The following DENND4C variants were observed in gnomAD, a reference collection of about 807,000 sequenced individuals.
The protein encoded by DENND4C is DENN domain containing 4C.
DENND4C carries 108 observed loss-of-function variants against 203.0 expected under a neutral mutation model. That is an observed-to-expected ratio of 0.53 (90% CI 0.46 to 0.62). The LOEUF (loss-of-function observed/expected upper bound fraction) is 0.62. DENND4C is among the 20% of genes least tolerant of loss of function. The pLI is 0.00. For synonymous variants in DENND4C, 871 were observed against 792.4 expected, an observed-to-expected ratio of 1.10 and a Z score of -1.67; for missense variants, 2,481 against 2,301.2, an observed-to-expected ratio of 1.08 and a Z score of -1.60.
At chr9:19,355,854 T>C (rs1026774644) in intron 26 of DENND4C, among the ~76,000 whole-genome samples, 1 of 152,206 alleles carries the variant, frequency 6.6e-6, no homozygotes, top group African/African-American at 2.4e-5. Flanking sequence ...ATTATTATCT[T>C]ATCTGTGAGC....
intron 7 of DENND4C, among the ~76,000 whole-genome samples, chr9:19,298,335 A>G (rs1837871688): frequency 6.6e-6 from 1 of 152,196 alleles, no homozygotes; most frequent in Non-Finnish European, 1.5e-5. Flanking sequence ...CCCTTGGTTC[A>G]TAACATTTTC....
At position 19,349,528 on chromosome 9, in the gene DENND4C, C is replaced by A. The variant is rs530715482; in HGVS notation, c.4318-1174C>A. ...ATCTTGTCTTGTCTTTTCATTGTTA[C>A]ATCCCTGGCACCAGTAAGCAGTACC... On this transcript the variant is annotated intron_variant, in intron 23 of 32. Coordinates refer to ENST00000434457, the MANE Select transcript of DENND4C (RefSeq NM_001330640.2). Among the ~76,000 whole-genome samples, 5 of 152,292 alleles carry A rather than the reference C, an allele frequency of 3.3e-5. No homozygotes were observed. In the South Asian group the frequency reaches 1.0e-3, roughly 32 times the overall value.
intron 1 of DENND4C, among the ~76,000 whole-genome samples, chr9:19,253,119 GTGT>G (rs1417639947): frequency 6.6e-6 from 1 of 152,200 alleles, no homozygotes; most frequent in Non-Finnish European, 1.5e-5. Context: ...TTCTTACGTA[GTGT>G]TGTTTGGACT....
At chr9:19,276,570 T>G (rs1472863201) in intron 2 of DENND4C, 91 bp downstream of exon 2, 1 of 677,290 alleles carries the variant, frequency 1.5e-6, no homozygotes, top group Non-Finnish European at 2.1e-6. Context: ...GATAGTTTTA[T>G]TATTACTGAT....
At chr9:19,251,296 A>G (rs1826523036) in intron 1 of DENND4C, among the ~76,000 whole-genome samples, 1 of 152,192 alleles carries the variant, frequency 6.6e-6, no homozygotes. Context: ...GCTCATTTTA[A>G]TCACAGCTGG....
chr9:19,304,022 T>TA (rs1186047796), intron 9 of DENND4C, among the ~76,000 whole-genome samples: 1 of 149,006 alleles, frequency 6.7e-6, no homozygotes, highest in African/African-American at 2.5e-5. Flanking sequence ...TAGTCTTTTT[T>TA]AAAAAACATC....
In DENND4C at chr9:19,322,943, G is replaced by A. The variant is rs571958652; in HGVS notation, c.1808-1419G>A. ...GTTGTTTTGAATGCTGGCAAGGAAA[G>A]TCAAGGGACTGTGACTGTGTGTTGA... On this transcript the variant is annotated intron_variant, in intron 12 of 32. Coordinates refer to ENST00000434457, the MANE Select transcript of DENND4C (RefSeq NM_001330640.2). 9.9e-5 allele frequency among the ~76,000 whole-genome samples: 15 copies of A among 152,268 alleles called. No individual in the cohort carries two copies. The South Asian group carries it at 1.5e-3, about 15-fold the overall frequency.
At chr9:19,299,377 A>C (rs959161549) in intron 8 of DENND4C, 90 bp downstream of exon 8, 27 of 799,904 alleles carry the variant, frequency 3.4e-5, no homozygotes, top group Middle Eastern at 3.9e-4. Context: ...TTAATATATT[A>C]GTGATTGTTA....
At chr9:19,315,148 T>TC (rs1180770902) in intron 10 of DENND4C, among the ~76,000 whole-genome samples, 1 of 100,596 alleles carries the variant, frequency 9.9e-6, no homozygotes, top group Admixed American at 1.3e-4. Flanking sequence ...CGACAGAGAC[T>TC]CCGTCTCAAA....
intron 2 of DENND4C, among the ~76,000 whole-genome samples, chr9:19,283,183 A>T (rs1834474673): frequency 6.6e-6 from 1 of 151,808 alleles, no homozygotes; most frequent in South Asian, 2.1e-4. Flanking sequence ...TTAACTGTTT[A>T]AACTATTTTG....
intron 24 of DENND4C, among the ~76,000 whole-genome samples, chr9:19,351,512 AT>A (rs1824105578): frequency 1.3e-5 from 2 of 152,148 alleles, no homozygotes; most frequent in Admixed American, 6.5e-5. Flanking sequence ...TACTGTAAAA[AT>A]TTAAAATGTC....
intron 12 of DENND4C, among the ~76,000 whole-genome samples, chr9:19,318,318 T>C (rs1292321471): frequency 6.6e-6 from 1 of 151,752 alleles, no homozygotes; most frequent in East Asian, 1.9e-4. Context: ...AAACTCCATC[T>C]CAAAAAAATT....
intron 1 of DENND4C, among the ~76,000 whole-genome samples, chr9:19,266,913 A>G (rs1830619887): frequency 6.6e-6 from 1 of 152,226 alleles, no homozygotes; most frequent in African/African-American, 2.4e-5. Context: ...GGACATAGGT[A>G]TGGGCAAGGA....
Position 19,305,442 on chromosome 9 carries a change from G to A in DENND4C, c.1402G>A (p.Val468Ile). 1 of 1,613,922 alleles carries A rather than the reference G, an allele frequency of 6.2e-7. No individual in the cohort carries two copies. Among genetic ancestry groups the A allele is most frequent in the South Asian group, 1.1e-5 (1 of 91,076 alleles). The change falls in exon 10 of 33, where the codon GTT becomes ATT. Residue 468 changes from valine to isoleucine, a missense_variant. Val to Ile is a conservative substitution (Grantham distance 29, BLOSUM62 3). Around this residue, in one of 3 missense-constraint regions of DENND4C, gnomAD observed 2,289 missense variants for 2,113.3 expected, o/e 1.08. Transcript: ENST00000434457. ...AVLSAPLPFI[V>I]GVDSRYFDLH... ...GCTTAGTGCACCTTTACCATTTATA[G>A]TTGGAGTTGACTCAAGGTATTTTGA...
chr9:19,296,364 CT>C (rs749134604), intron 6 of DENND4C, 118 bp downstream of exon 6: 56,537 of 472,996 alleles, frequency 0.12, 4 homozygotes, highest in Middle Eastern at 0.15. Context: ...TTTAACTGAA[CT>C]TTTTTTTTTT....
At chr9:19,238,007 G>T (rs1039026387) in intron 1 of DENND4C, among the ~76,000 whole-genome samples, 54 of 151,996 alleles carry the variant, frequency 3.6e-4, no homozygotes, top group African/African-American at 1.2e-3. Context: ...ATGAGGTCAG[G>T]GTGTCAGGAG....
chr9:19,261,198 C>T (rs1021948863), intron 1 of DENND4C, among the ~76,000 whole-genome samples: 4 of 152,010 alleles, frequency 2.6e-5, no homozygotes, highest in Non-Finnish European at 5.9e-5. Flanking sequence ...TCTGGGTTCT[C>T]TATTGTGTTC....
In DENND4C at chr9:19,324,407, T is replaced by G. The variant is rs745949702; in HGVS notation, c.1853T>G (p.Leu618Arg). The change falls in exon 13 of 33, where the codon CTT (leucine) becomes CGT (arginine). Residue 618 changes from leucine to arginine, a missense_variant. Physicochemically the swap from Leu to Arg is moderately radical, Grantham distance 102. Around this residue, in one of 3 missense-constraint regions of DENND4C, gnomAD observed 2,289 missense variants for 2,113.3 expected, o/e 1.08. Coordinates refer to ENST00000434457, the MANE Select transcript of DENND4C (RefSeq NM_001330640.2). ...RDRAYAKFYT[L>R]LSKTQIFIRF... ...CGTGCCTATGCAAAATTCTATACCC[T>G]TTTATCCAAAACACAGATTTTTATT... 2.9e-5 allele frequency: 46 copies of G among 1,612,306 alleles called. 1 individual carries two copies. The Middle Eastern group carries it at 6.6e-4, about 23-fold the overall frequency.
intron 10 of DENND4C, among the ~76,000 whole-genome samples, chr9:19,306,504 A>G (rs1321065283): frequency 3.3e-5 from 5 of 152,090 alleles, no homozygotes; most frequent in Admixed American, 2.0e-4. Flanking sequence ...TGTAGCACAC[A>G]TTTTATTGTT....
Sources: allele counts gnomAD v4.1 joint callset (sites outside exome capture counted in the v4.1 genomes callset), GRCh38; gene constraint gnomAD v4.1.1; regional missense constraint gnomAD v4.1.1; transcripts MANE v1.5; gene names NCBI Gene and HGNC (gene_info 2026-07-23, HGNC 2026-07-21).